The following MCU variants were observed in gnomAD, a reference collection of about 807,000 sequenced individuals.
The protein encoded by MCU is mitochondrial calcium uniporter.
A neutral mutation model predicts 45.2 loss-of-function variants in MCU; 12 were observed. The observed-to-expected ratio is 0.27, with a 90% CI of 0.17 to 0.43. MCU has a LOEUF of 0.43. Ranked by LOEUF, MCU falls within the 20% of genes least tolerant of loss-of-function variation. The pLI is 1.00. For synonymous variants in MCU, 160 were observed against 165.1 expected (o/e 0.97, Z 0.24); for missense variants, 324 against 436.7 (o/e 0.74, Z 2.30).
chr10:72,809,974 A>G (rs978443083), intron 1 of MCU, among the ~76,000 whole-genome samples: 9 of 151,634 alleles, frequency 5.9e-5, no homozygotes, highest in Admixed American at 4.6e-4. Context: ...ATCAGTGGGA[A>G]GTAGGATTAG....
chr10:72,751,150 G>A (rs1404707508), intron 1 of MCU, among the ~76,000 whole-genome samples: 4 of 148,532 alleles, frequency 2.7e-5, no homozygotes, highest in Non-Finnish European at 6.0e-5. Flanking sequence ...ACAGGCACAC[G>A]CCACCATACC....
At chr10:72,716,254 A>G (rs570241666) in intron 1 of MCU, among the ~76,000 whole-genome samples, 2 of 152,386 alleles carry the variant, frequency 1.3e-5, no homozygotes, top group South Asian at 4.1e-4. Context: ...TAGGCAAACT[A>G]AACTTCAAAT....
At chr10:72,699,811 C>G (rs987667792) in intron 1 of MCU, among the ~76,000 whole-genome samples, 1 of 151,588 alleles carries the variant, frequency 6.6e-6, no homozygotes, top group Non-Finnish European at 1.5e-5. Flanking sequence ...AGGCTGGTCT[C>G]GAACTACTGA....
chr10:72,707,235 G>A (rs1842833580), intron 1 of MCU, among the ~76,000 whole-genome samples: 1 of 136,036 alleles, frequency 7.4e-6, no homozygotes, highest in Non-Finnish European at 1.5e-5. Flanking sequence ...GTCTTGCTAT[G>A]TCACCCATGC....
chr10:72,704,214 C>G (rs934022978), intron 1 of MCU, among the ~76,000 whole-genome samples: 1 of 151,968 alleles, frequency 6.6e-6, no homozygotes, highest in Non-Finnish European at 1.5e-5. Flanking sequence ...GGAAAAGATG[C>G]CTGACTAGGA....
chr10:72,772,689 G>C (rs1456019241), intron 1 of MCU, among the ~76,000 whole-genome samples: 1 of 152,188 alleles, frequency 6.6e-6, no homozygotes, highest in African/African-American at 2.4e-5. Context: ...GACAGAGTGA[G>C]ACTCTGTCTC....
chr10:72,804,340 T>C (rs12764759), intron 1 of MCU, among the ~76,000 whole-genome samples: 85,978 of 151,304 alleles, frequency 0.57, 25,759 homozygotes, highest in Non-Finnish European at 0.67. Context: ...CTGCCCGCCT[T>C]GGCCTCTCAA....
chr10:72,791,511 C>T (rs1275539362), intron 1 of MCU, among the ~76,000 whole-genome samples: 1 of 152,126 alleles, frequency 6.6e-6, no homozygotes, highest in Non-Finnish European at 1.5e-5. Context: ...TAATGTTTCT[C>T]TTTTCAAGAA....
At chr10:72,700,339 G>A (rs1455027415) in intron 1 of MCU, among the ~76,000 whole-genome samples, 4 of 152,198 alleles carry the variant, frequency 2.6e-5, no homozygotes, top group African/African-American at 9.7e-5. Flanking sequence ...GGGATTACAA[G>A]GCGTGAGCCA....
intron 1 of MCU, among the ~76,000 whole-genome samples, chr10:72,705,740 C>A (rs1228206122): frequency 6.6e-6 from 1 of 151,786 alleles, no homozygotes; most frequent in Non-Finnish European, 1.5e-5. Flanking sequence ...ATCATTTGAA[C>A]CCAGAGGTGA....
At chr10:72,834,980 G>A (rs954627934) in intron 2 of MCU, among the ~76,000 whole-genome samples, 6 of 152,130 alleles carry the variant, frequency 3.9e-5, no homozygotes, top group African/African-American at 1.4e-4. Flanking sequence ...TAGGGACATA[G>A]TTAATGTGAA....
chr10:72,762,688 T>C (rs1194141176), intron 1 of MCU, among the ~76,000 whole-genome samples: 2 of 152,168 alleles, frequency 1.3e-5, no homozygotes, highest in South Asian at 4.1e-4. Context: ...ACAGGAACTA[T>C]GCTAGGTACT....
chr10:72,728,357 T>C (rs1272533903), intron 1 of MCU, among the ~76,000 whole-genome samples: 1 of 152,162 alleles, frequency 6.6e-6, no homozygotes, highest in Non-Finnish European at 1.5e-5. Flanking sequence ...AAAGGCTGTT[T>C]AAAGGTACTG....
chr10:72,738,956 T>A (rs1170662813), intron 1 of MCU, among the ~76,000 whole-genome samples: 1 of 152,186 alleles, frequency 6.6e-6, no homozygotes, highest in Non-Finnish European at 1.5e-5. Context: ...CTCTTTTGTT[T>A]TTACTATTAT....
chr10:72,726,254 CACGT>C (rs1463452427), intron 1 of MCU, among the ~76,000 whole-genome samples: 1 of 77,072 alleles, frequency 1.3e-5, no homozygotes, highest in Non-Finnish European at 2.7e-5. Context: ...CACACACACA[CACGT>C]GTGTGTGTGT....
intron 1 of MCU, among the ~76,000 whole-genome samples, chr10:72,822,373 T>A (rs1425641252): frequency 6.6e-6 from 1 of 152,120 alleles, no homozygotes; most frequent in Non-Finnish European, 1.5e-5. Flanking sequence ...CCACCACACA[T>A]TCTATGGCCA....
intron 4 of MCU, among the ~76,000 whole-genome samples, chr10:72,865,489 CAG>C (rs150688038): frequency 1.3e-5 from 2 of 152,310 alleles, no homozygotes; most frequent in East Asian, 3.9e-4. Context: ...GCATCTCTCA[CAG>C]AAACTCAATA....
intron 2 of MCU, among the ~76,000 whole-genome samples, chr10:72,837,632 T>G (rs1250519258): frequency 6.6e-6 from 1 of 152,180 alleles, no homozygotes. Context: ...CTTAGACTTC[T>G]CATTTTAATT....
intron 1 of MCU, among the ~76,000 whole-genome samples, chr10:72,712,002 G>T (rs1393583274): frequency 6.7e-6 from 1 of 150,246 alleles, no homozygotes; most frequent in South Asian, 2.1e-4. Flanking sequence ...ATGAGCCACC[G>T]CACCCTGCCC....
Sources: gnomAD v4.1 joint callset for allele counts (sites outside exome capture counted in the v4.1 genomes callset) on GRCh38, gnomAD v4.1.1 for gene constraint, MANE v1.5 for transcripts, NCBI Gene and HGNC (gene_info 2026-07-23, HGNC 2026-07-21) for gene names.